Variants in LEF1 observed in about 807,000 individuals in gnomAD.
LEF1 encodes the protein lymphoid enhancer binding factor 1.
LEF1 carries 14 observed loss-of-function variants against 51.2 expected under a neutral mutation model. The observed-to-expected ratio is 0.27, with a 90% CI of 0.18 to 0.43. The LOEUF (loss-of-function observed/expected upper bound fraction) is 0.43. Ranked by LOEUF, LEF1 falls within the 20% of genes least tolerant of loss-of-function variation. LEF1 has a pLI of 1.00. For missense variants in LEF1, 386 were observed against 512.0 expected (o/e 0.75, Z 2.37); for synonymous variants, 185 against 183.2 (o/e 1.01, Z -0.08).
At chr4:108,129,987 G>A (rs541450425) in intron 3 of LEF1, among the ~76,000 whole-genome samples, 3 of 152,272 alleles carry the variant, frequency 2.0e-5, no homozygotes, top group African/African-American at 7.2e-5. Context: ...TATGAGTAAC[G>A]ATACTATTTA....
chr4:108,120,992 C>T (rs1742143081), intron 3 of LEF1, among the ~76,000 whole-genome samples: 1 of 152,226 alleles, frequency 6.6e-6, no homozygotes, highest in Non-Finnish European at 1.5e-5. Context: ...GTCAATCATT[C>T]TGCAAAGTAA....
chr4:108,058,439 G>C (rs1189540815), intron 11 of LEF1, among the ~76,000 whole-genome samples: 1 of 151,910 alleles, frequency 6.6e-6, no homozygotes, highest in East Asian at 1.9e-4. Context: ...CTTAAGTCAG[G>C]AAGAAAGCAA....
intron 3 of LEF1, among the ~76,000 whole-genome samples, chr4:108,158,672 C>CA (rs958791400): frequency 3.2e-4 from 48 of 147,846 alleles, no homozygotes; most frequent in African/African-American, 9.5e-4. Flanking sequence ...TTTGATTGCT[C>CA]AAAAAAAAAT....
At chr4:108,159,168 G>A (rs1185837252) in intron 3 of LEF1, among the ~76,000 whole-genome samples, 3 of 152,124 alleles carry the variant, frequency 2.0e-5, no homozygotes, top group African/African-American at 7.2e-5. Context: ...TGGCCATAAG[G>A]TATTTGATGG....
intron 3 of LEF1, among the ~76,000 whole-genome samples, chr4:108,100,345 T>C (rs982668527): frequency 6.6e-6 from 1 of 152,190 alleles, no homozygotes; most frequent in Admixed American, 6.5e-5. Context: ...CTTTCAATTC[T>C]ATTAATAAAT....
chr4:108,166,567 G>C, intron 1 of LEF1: 1 of 1,194,348 alleles, frequency 8.4e-7, no homozygotes, highest in Non-Finnish European at 1.0e-6. Context: ...ACCAGCTCTG[G>C]ACTAGGCTTC....
At chr4:108,129,122 T>C (rs944879948) in intron 3 of LEF1, among the ~76,000 whole-genome samples, 1 of 152,170 alleles carries the variant, frequency 6.6e-6, no homozygotes, top group Non-Finnish European at 1.5e-5. Flanking sequence ...ACTCCTCTCA[T>C]TACTGAATCT....
In LEF1 at chr4:108,167,725, G is replaced by A. The variant is rs1745505081; in HGVS notation, c.43C>T (p.Pro15Ser). 3.7e-6 allele frequency: 6 copies of A among 1,613,706 alleles called. No homozygotes were observed. The highest frequency in any genetic ancestry group is 5.1e-6 in the Non-Finnish European group (6 of 1,180,024). The change falls in exon 1 of 12, where the codon CCG becomes TCG. Residue 15 changes from proline (P) to serine (S), a missense_variant. Pro to Ser is a moderately conservative substitution (Grantham distance 74). This residue lies in a region of LEF1 where 335 missense variants were observed against 390.7 expected (regional missense o/e 0.86). Transcript: ENST00000265165. The surrounding 1 kb of genome is among the most constrained non-coding windows in gnomAD (Gnocchi z 5.7). Reference protein sequence around the residue: ...SGGGGGGGGDPELCATDEMIP... With the variant: ...SGGGGGGGGDSELCATDEMIP... ...ATCTCGTCCGTGGCGCAGAGTTCCG[G>A]GTCCCCCCCGCCGCCGCCACCTCCT...
chr4:108,079,761 G>T, intron 6 of LEF1, 147 bp from the exon 7 acceptor site: 1 of 677,746 alleles, frequency 1.5e-6, no homozygotes, highest in Non-Finnish European at 2.3e-6. Context: ...AATTAGAGTG[G>T]GCCGATAATT....
At chr4:108,124,585 G>C (rs1421838834) in intron 3 of LEF1, among the ~76,000 whole-genome samples, 7 of 152,004 alleles carry the variant, frequency 4.6e-5, no homozygotes, top group Non-Finnish European at 2.9e-5. Context: ...GGCCAGGCTG[G>C]TCTCAAACCC....
chr4:108,118,843 C>T (rs1741994807), intron 3 of LEF1, among the ~76,000 whole-genome samples: 1 of 152,000 alleles, frequency 6.6e-6, no homozygotes, highest in African/African-American at 2.4e-5. Context: ...GTCCACCAGA[C>T]CTGTTTTCTG....
intron 11 of LEF1, among the ~76,000 whole-genome samples, chr4:108,060,053 C>A (rs1578290313): frequency 6.6e-6 from 1 of 152,280 alleles, no homozygotes; most frequent in East Asian, 1.9e-4. Context: ...TGACTGTAGT[C>A]TGGCAAACAA....
At chr4:108,059,993 T>TG (rs1737566727) in intron 11 of LEF1, among the ~76,000 whole-genome samples, 1 of 152,216 alleles carries the variant, frequency 6.6e-6, no homozygotes, top group Non-Finnish European at 1.5e-5. Context: ...CCTGGAGGAT[T>TG]GGTTCTAATC....
intron 3 of LEF1, among the ~76,000 whole-genome samples, chr4:108,109,465 C>T (rs1416786639): frequency 6.6e-6 from 1 of 152,186 alleles, no homozygotes; most frequent in Non-Finnish European, 1.5e-5. Flanking sequence ...TTTGGTAAGT[C>T]TCTCCATCTC....
chr4:108,099,570 G>GTGTATATATATATA (rs1266681210), intron 3 of LEF1, among the ~76,000 whole-genome samples: 3 of 70,204 alleles, frequency 4.3e-5, no homozygotes, highest in South Asian at 6.0e-4. Flanking sequence ...GTGTGTGTGT[G>GTGTATATATATATA]TATATATATA....
Position 108,070,688 on chromosome 4 carries a change from G to C in LEF1, c.1091C>G (p.Pro364Arg). The C allele has an allele frequency of 6.2e-7, 1 of 1,613,512 alleles. No homozygotes were observed. The highest frequency in any genetic ancestry group is 8.5e-7 in the Non-Finnish European group (1 of 1,179,534). Residue 364 changes from proline (P) to arginine (R), a missense_variant, in exon 9 of 12, where the codon CCA (proline) becomes CGA (arginine). Pro to Arg is a moderately radical substitution (Grantham distance 103). Around this residue, in one of 2 missense-constraint regions of LEF1, gnomAD observed 51 missense variants for 121.3 expected, o/e 0.42. Transcript: ENST00000265165. ...KERQLHMQLY[P>R]GWSARDNYGK... ...ATAATTGTCTCTTGCAGACCAGCCT[G>C]GATAAAGCTGCATATGTAGCTGTCT...
chr4:108,113,587 T>C (rs1218822333), intron 3 of LEF1, among the ~76,000 whole-genome samples: 3 of 152,182 alleles, frequency 2.0e-5, no homozygotes, highest in South Asian at 2.1e-4. Context: ...AGTCTGCATC[T>C]AGTGCTGTCA....
intron 3 of LEF1, among the ~76,000 whole-genome samples, chr4:108,153,027 T>A (rs565062116): frequency 6.6e-6 from 1 of 152,326 alleles, no homozygotes; most frequent in East Asian, 1.9e-4. Context: ...AAAGAGACAA[T>A]CACCTCACCC....
rs1745513818 is a variant in LEF1 at position 108,167,821 on chromosome 4, G to T, written c.-54C>A. On this transcript the variant is annotated 5_prime_UTR_variant, in exon 1 of 12. Transcript: ENST00000265165. The surrounding 1 kb of genome is among the most constrained non-coding windows in gnomAD (Gnocchi z 5.7). Reference sequence around the variant, plus strand: ...TGTGGGAGCACCCGCGCAACAGCAGGAAAGACAGAGGGGTAACTCAAGGGT... The same window carrying T: ...TGTGGGAGCACCCGCGCAACAGCAGTAAAGACAGAGGGGTAACTCAAGGGT... The T allele has an allele frequency of 6.7e-7, 1 of 1,491,310 alleles. No homozygotes were observed. The highest frequency in any genetic ancestry group is 9.2e-7 in the Non-Finnish European group (1 of 1,082,962). 92.4% of individuals were successfully genotyped at this position (1,491,310 alleles called of 1,614,324 possible). A position where few individuals can be genotyped will look rare whatever the true frequency, so the allele number is the denominator to read the frequency against.
Sources: gnomAD v4.1 joint callset for allele counts (sites outside exome capture counted in the v4.1 genomes callset) on GRCh38, gnomAD v4.1.1 for gene constraint, gnomAD v4.1.1 regional missense constraint, Gnocchi (gnomAD v3.1) non-coding constraint, MANE v1.5 for transcripts, NCBI Gene and HGNC (gene_info 2026-07-23, HGNC 2026-07-21) for gene names.